Variants in ZNF423 observed in about 807,000 individuals in gnomAD.
ZNF423 encodes the protein Ebf-associated zinc finger protein.
Under a neutral mutation model 95.8 loss-of-function variants are expected in ZNF423, and 12 were observed. The observed-to-expected ratio is 0.13, with a 90% confidence interval of 0.08 to 0.20. The LOEUF (loss-of-function observed/expected upper bound fraction) is 0.20, where lower values mean the gene tolerates loss of function less well. ZNF423 is among the 10% of genes least tolerant of loss of function. The probability of loss-of-function intolerance (pLI) is 1.00; values close to 1 mark genes in which losing one functional copy is unlikely to be tolerated. For synonymous variants in ZNF423, 749 were observed against 711.9 expected, an observed-to-expected ratio of 1.05 and a Z score of -0.83; for missense variants, 1,316 against 1,737.1, an observed-to-expected ratio of 0.76 and a Z score of 4.31.
intron 1 of ZNF423, among the ~76,000 whole-genome samples, chr16:49,821,429 C>A (rs1296974743): frequency 6.6e-6 from 1 of 152,142 alleles, no homozygotes; most frequent in Non-Finnish European, 1.5e-5. Flanking sequence ...GCCTCTGATT[C>A]TTCCCATTTC....
At position 49,635,841 on chromosome 16, in the gene ZNF423, A is replaced by G. The variant is rs1448778120; in HGVS notation, c.3335T>C (p.Val1112Ala). 7 of 1,602,958 alleles carry G rather than the reference A, an allele frequency of 4.4e-6. No homozygotes were observed. Among genetic ancestry groups the G allele is most frequent in the Middle Eastern group, 3.3e-4 (2 of 6,002 alleles). The change falls in exon 4 of 8, where the codon GTG becomes GCG. Residue 1112 changes from valine to alanine, a missense_variant. By Grantham distance (64) the Val-to-Ala change is moderately conservative. Around this residue, in one of 6 missense-constraint regions of ZNF423, gnomAD observed 620 missense variants for 775.6 expected, o/e 0.80. Coordinates refer to ENST00000563137, the MANE Select transcript of ZNF423 (RefSeq NM_001379286.1). This position sits in a 1 kb window ranked among gnomAD's most constrained non-coding sequence, Gnocchi z 4.8. ...GCMARSANGQ[V>A]GGLAPPEPAD... ...GGGCTCGGGCGGGGCCAGGCCACCCACCTGTCCGTTGGCGCTGCGGGCCAT... is the reference window on the plus strand; with the variant it reads ...GGGCTCGGGCGGGGCCAGGCCACCCGCCTGTCCGTTGGCGCTGCGGGCCAT...
At chr16:49,626,332 C>T in intron 4 of ZNF423, 78 bp from the exon 5 acceptor site, 1 of 1,397,530 alleles carries the variant, frequency 7.2e-7, no homozygotes, top group South Asian at 1.2e-5. Flanking sequence ...CCTAGGGGGC[C>T]TGGGTCAAGA....
intron 5 of ZNF423, 109 bp downstream of exon 5, chr16:49,626,061 G>T (rs1283499205): frequency 9.6e-7 from 1 of 1,043,484 alleles, no homozygotes; most frequent in Non-Finnish European, 1.5e-6. Flanking sequence ...AGAAACAGCA[G>T]CAGTGACTCT....
chr16:49,849,326 C>T (rs913938991), intron 1 of ZNF423, among the ~76,000 whole-genome samples: 10 of 152,130 alleles, frequency 6.6e-5, no homozygotes, highest in African/African-American at 2.4e-4. Context: ...AAACTGTTTG[C>T]CAGGGTCCCA....
chr16:49,716,619 C>T (rs1239506239), intron 3 of ZNF423, among the ~76,000 whole-genome samples: 1 of 152,218 alleles, frequency 6.6e-6, no homozygotes, highest in Non-Finnish European at 1.5e-5. Flanking sequence ...CCAAAACACT[C>T]AACCAATAGT....
intron 3 of ZNF423, among the ~76,000 whole-genome samples, chr16:49,713,961 C>A (rs1424969733): frequency 6.6e-6 from 1 of 152,142 alleles, no homozygotes; most frequent in African/African-American, 2.4e-5. Flanking sequence ...TTTCTCCCTG[C>A]AACTCCATCA....
chr16:49,822,868 G>C lies in ZNF423; in HGVS notation c.40+32867C>G, dbSNP rs545696419. The C allele has an allele frequency of 1.5e-5, 9 of 611,750 alleles. No individual in the cohort carries two copies. In the Admixed American group the frequency reaches 2.8e-4, roughly 19 times the overall value. 37.9% of individuals were successfully genotyped at this position (611,750 alleles called of 1,614,324 possible). A position where few individuals can be genotyped will look rare whatever the true frequency, so the allele number is the denominator to read the frequency against. ...CTCAGACTACTTAACGACTTGCCCA[G>C]GTAGTCATCTACGCAGCCAGGATTT... is the stretch of plus-strand genomic sequence containing the variant. On this transcript the variant is annotated intron_variant, in intron 1 of 7. Transcript: ENST00000563137.
intron 1 of ZNF423, among the ~76,000 whole-genome samples, chr16:49,834,636 AG>A: frequency 6.6e-6 from 1 of 152,170 alleles, no homozygotes; most frequent in Admixed American, 6.5e-5. Flanking sequence ...TGGTCCTGGC[AG>A]GGCTTCCCAG....
intron 1 of ZNF423, among the ~76,000 whole-genome samples, chr16:49,823,063 C>T (rs1399016168): frequency 6.6e-6 from 1 of 152,194 alleles, no homozygotes; most frequent in Non-Finnish European, 1.5e-5. Context: ...CTGGGCAAAG[C>T]AGAGAGGCCC....
In ZNF423 at chr16:49,797,653, A is replaced by G. The variant is rs534702479; in HGVS notation, c.41-8107T>C. Among the ~76,000 whole-genome samples, 6 of 152,364 alleles carry G rather than the reference A, an allele frequency of 3.9e-5. No individual in the cohort carries two copies. In the South Asian group the frequency reaches 6.2e-4, roughly 16 times the overall value. On this transcript the variant is annotated intron_variant, in intron 1 of 7. Transcript: ENST00000563137. Reference sequence around the variant, plus strand: ...TCCACTGACAGGCCCCTTGGCACCAAGCTCAGACCATCAGAAAAGCCACAA... The same window carrying G: ...TCCACTGACAGGCCCCTTGGCACCAGGCTCAGACCATCAGAAAAGCCACAA...
chr16:49,813,949 T>C (rs1436027869), intron 1 of ZNF423, among the ~76,000 whole-genome samples: 2 of 152,190 alleles, frequency 1.3e-5, no homozygotes, highest in African/African-American at 2.4e-5. Flanking sequence ...CCAGGTGGGC[T>C]CCTGCAGAAG....
intron 5 of ZNF423, among the ~76,000 whole-genome samples, chr16:49,602,364 C>T (rs1318618274): frequency 2.6e-5 from 4 of 152,150 alleles, no homozygotes; most frequent in African/African-American, 7.2e-5. Context: ...TTTCTGCACT[C>T]GAAGAGTTTC....
At position 49,488,966 on chromosome 16, in the gene ZNF423, C is replaced by CG. The variant is rs1183934744; in HGVS notation, c.*2308_*2309insC. 1 of 152,326 alleles carries CG rather than the reference C, an allele frequency of 6.6e-6. No homozygotes were observed. The highest frequency in any genetic ancestry group is 2.4e-5 in the African/African-American group (1 of 41,432). The allele number at this position is 152,326 out of a possible 1,614,324, so 9.4% of individuals were successfully genotyped here. A position where few individuals can be genotyped will look rare whatever the true frequency, so the allele number is the denominator to read the frequency against. ...GTGGGGTTCCCTGGCTGCCTTGTCA[C>CG]CGCCATAAACCTCATTACCTCACGG... On this transcript the variant is annotated 3_prime_UTR_variant, in exon 8 of 8. Transcript: ENST00000563137.
intron 5 of ZNF423, among the ~76,000 whole-genome samples, chr16:49,549,319 C>T (rs761596240): frequency 8.7e-4 from 133 of 152,272 alleles, no homozygotes; most frequent in Non-Finnish European, 1.6e-3. Flanking sequence ...TCAGGCCATG[C>T]CCCACCCTGC....
intron 1 of ZNF423, among the ~76,000 whole-genome samples, chr16:49,843,526 A>T (rs2035212818): frequency 6.6e-6 from 1 of 152,178 alleles, no homozygotes; most frequent in South Asian, 2.1e-4. Flanking sequence ...AACTTAACTC[A>T]TGTAGCTAAC....
At chr16:49,606,804 C>T (rs1971550555) in intron 5 of ZNF423, among the ~76,000 whole-genome samples, 1 of 152,140 alleles carries the variant, frequency 6.6e-6, no homozygotes. Flanking sequence ...CTTTAACTGA[C>T]TGAGTAATGC....
chr16:49,515,265 C>T (rs949136284), intron 7 of ZNF423, among the ~76,000 whole-genome samples: 6 of 152,256 alleles, frequency 3.9e-5, no homozygotes, highest in African/African-American at 1.2e-4. Context: ...CTGGGCTCAC[C>T]CAGGAGCAAT....
Position 49,636,848 on chromosome 16 carries a change from G to C in ZNF423, c.2328C>G (p.His776Gln), listed in dbSNP as rs73565356. The change falls in exon 4 of 8, where the codon CAC (histidine) becomes CAG (glutamine). Residue 776 changes from histidine (H) to glutamine (Q), a missense_variant. Around this residue, in one of 6 missense-constraint regions of ZNF423, gnomAD observed 620 missense variants for 775.6 expected, o/e 0.80. Coordinates refer to ENST00000563137, the MANE Select transcript of ZNF423 (RefSeq NM_001379286.1). The surrounding 1 kb of genome is among the most constrained non-coding windows in gnomAD (Gnocchi z 8.6). Reference protein sequence around the residue: ...DFRKEADLQVHVKHSHLGNPA... With the variant: ...DFRKEADLQVQVKHSHLGNPA... Reference sequence around the variant, plus strand: ...GGTTGCCCAGGTGGCTGTGTTTGACGTGCACCTGCAGGTCAGCCTCCTTGC... The same window carrying C: ...GGTTGCCCAGGTGGCTGTGTTTGACCTGCACCTGCAGGTCAGCCTCCTTGC... 6.2e-7 allele frequency: 1 copy of C among 1,614,012 alleles called. No individual in the cohort carries two copies. Among genetic ancestry groups the C allele is most frequent in the Non-Finnish European group, 8.5e-7 (1 of 1,180,014 alleles).
At chr16:49,670,671 C>T (rs2030764581) in intron 3 of ZNF423, among the ~76,000 whole-genome samples, 1 of 152,150 alleles carries the variant, frequency 6.6e-6, no homozygotes, top group Admixed American at 6.5e-5. Context: ...CCCACATGCT[C>T]CGGCTCCCCC....
Sources: allele counts gnomAD v4.1 joint callset (sites outside exome capture counted in the v4.1 genomes callset), GRCh38; gene constraint gnomAD v4.1.1; regional missense constraint gnomAD v4.1.1; non-coding constraint Gnocchi (gnomAD v3.1); transcripts MANE v1.5; gene names NCBI Gene and HGNC (gene_info 2026-07-23, HGNC 2026-07-21).